HEMK2: variants seen among roughly 807,000 people sequenced by gnomAD.
HEMK2 encodes methyltransferase HEMK2.
chr21:28,752,875 G>A, the HEMK2 span, among the ~76,000 whole-genome samples: 8 of 152,224 alleles, frequency 5.3e-5, no homozygotes, highest in Non-Finnish European at 1.5e-5. Context: ...AGAGGGCCAC[G>A]GCAGAGGCCC....
the HEMK2 span, among the ~76,000 whole-genome samples, chr21:28,836,947 T>C: frequency 1.3e-5 from 2 of 152,192 alleles, no homozygotes; most frequent in African/African-American, 4.8e-5. Flanking sequence ...GTAAAAGGCC[T>C]TGTCCAACAG....
At chr21:28,719,709 C>G in the HEMK2 span, among the ~76,000 whole-genome samples, 1 of 152,188 alleles carries the variant, frequency 6.6e-6, no homozygotes, top group Non-Finnish European at 1.5e-5. Context: ...ATCCAAGTGA[C>G]AGGGTTTGAA....
At chr21:28,788,202 A>ATATACACACG in the HEMK2 span, among the ~76,000 whole-genome samples, 1 of 134,172 alleles carries the variant, frequency 7.5e-6, no homozygotes, top group African/African-American at 3.1e-5. Context: ...GTATATACGT[A>ATATACACACG]TATATACGTA....
the HEMK2 span, among the ~76,000 whole-genome samples, chr21:28,663,846 G>T: frequency 0.016 from 2,454 of 152,272 alleles, 68 homozygotes; most frequent in African/African-American, 0.054. Context: ...CTGAGGGTTT[G>T]GCATTTACTT....
the HEMK2 span, among the ~76,000 whole-genome samples, chr21:28,682,637 G>A: frequency 6.6e-6 from 1 of 152,166 alleles, no homozygotes; most frequent in Non-Finnish European, 1.5e-5. Context: ...CAATAGCAAC[G>A]ACTTGGAACC....
chr21:28,769,144 C>A, the HEMK2 span, among the ~76,000 whole-genome samples: 2 of 152,118 alleles, frequency 1.3e-5, no homozygotes, highest in African/African-American at 2.4e-5. Context: ...AGGATCCTGA[C>A]TGGTCTACTA....
chr21:28,831,587 G>T, the HEMK2 span, among the ~76,000 whole-genome samples: 3 of 80,930 alleles, frequency 3.7e-5, no homozygotes, highest in African/African-American at 2.3e-4. Flanking sequence ...AAGAAGGAAA[G>T]AAGGAAAGAA....
At chr21:28,741,493 C>A in the HEMK2 span, among the ~76,000 whole-genome samples, 2 of 152,124 alleles carry the variant, frequency 1.3e-5, no homozygotes, top group Non-Finnish European at 2.9e-5. Flanking sequence ...TATTTCATCA[C>A]CCAGGTTATT....
the HEMK2 span, among the ~76,000 whole-genome samples, chr21:28,741,939 G>A: frequency 6.6e-6 from 1 of 152,156 alleles, no homozygotes; most frequent in Admixed American, 6.5e-5. Flanking sequence ...GGATTGCTGG[G>A]TCAAATGGTA....
chr21:28,761,284 T>C, the HEMK2 span, among the ~76,000 whole-genome samples: 7,055 of 152,246 alleles, frequency 0.046, 209 homozygotes, highest in Middle Eastern at 0.099. Flanking sequence ...TATATATGCA[T>C]GTGTTTATTT....
At chr21:28,756,035 C>T in the HEMK2 span, among the ~76,000 whole-genome samples, 2 of 152,212 alleles carry the variant, frequency 1.3e-5, no homozygotes, top group Admixed American at 1.3e-4. Context: ...AACTTCTGAT[C>T]ATCGGCACAG....
the HEMK2 span, among the ~76,000 whole-genome samples, chr21:28,814,856 T>C: frequency 3.3e-5 from 5 of 152,114 alleles, no homozygotes; most frequent in East Asian, 7.7e-4. Flanking sequence ...GAAATTCCAT[T>C]TGACCCAGCA....
At chr21:28,732,011 C>G in the HEMK2 span, among the ~76,000 whole-genome samples, 3 of 152,206 alleles carry the variant, frequency 2.0e-5, no homozygotes, top group Non-Finnish European at 4.4e-5. Context: ...CCTAGCAGGT[C>G]GGAAAAGCGT....
chr21:28,653,998 G>A, the HEMK2 span, among the ~76,000 whole-genome samples: 1 of 152,124 alleles, frequency 6.6e-6, no homozygotes, highest in African/African-American at 2.4e-5. Flanking sequence ...TATGCAAACT[G>A]TGTTTACCAA....
At chr21:28,631,538 A>G in the HEMK2 span, among the ~76,000 whole-genome samples, 1 of 152,178 alleles carries the variant, frequency 6.6e-6, no homozygotes, top group Non-Finnish European at 1.5e-5. Flanking sequence ...CTAGCATACA[A>G]TTTGCCCAAC....
chr21:28,822,374 T>C, the HEMK2 span, among the ~76,000 whole-genome samples: 5 of 152,198 alleles, frequency 3.3e-5, no homozygotes, highest in Admixed American at 2.0e-4. Flanking sequence ...AATATTAAGA[T>C]ACCCACAATT....
chr21:28,879,666 T>G, the HEMK2 span, among the ~76,000 whole-genome samples: 1 of 152,222 alleles, frequency 6.6e-6, no homozygotes, highest in African/African-American at 2.4e-5. Context: ...TTTTTAGGGA[T>G]AGATATGTGT....
At chr21:28,579,620 A>G in the HEMK2 span, among the ~76,000 whole-genome samples, 4 of 152,320 alleles carry the variant, frequency 2.6e-5, no homozygotes, top group Non-Finnish European at 5.9e-5. Flanking sequence ...TATATTTAAG[A>G]GAGCTAAGTA....
At chr21:28,642,219 G>GC in the HEMK2 span, among the ~76,000 whole-genome samples, 1 of 152,188 alleles carries the variant, frequency 6.6e-6, no homozygotes, top group African/African-American at 2.4e-5. Context: ...TAGGCTGAAT[G>GC]CATGTGTTCC....
Sources: gnomAD v4.1 joint callset for allele counts (sites outside exome capture counted in the v4.1 genomes callset) on GRCh38, gnomAD v4.1.1 for gene constraint, MANE v1.5 for transcripts, NCBI Gene and HGNC (gene_info 2026-07-23, HGNC 2026-07-21) for gene names.